The following CTXND1 variants were observed in gnomAD, a reference collection of about 807,000 sequenced individuals.
CTXND1 encodes the protein cortexin domain-containing 1 protein.
chr15:80,197,150 G>A lies in CTXND1; in HGVS notation c.*4620C>T, dbSNP rs546274154. ...TAGCTCATTGTAACCTCAAACTCCTGGACTCAAGTGATCCTCCCACCTCAG... is the reference window on the plus strand; with the variant it reads ...TAGCTCATTGTAACCTCAAACTCCTAGACTCAAGTGATCCTCCCACCTCAG... On this transcript the variant is annotated 3_prime_UTR_variant, in exon 3 of 3. Transcript: ENST00000560778. 1.3e-5 allele frequency: 2 copies of A among 152,304 alleles called. No individual in the cohort carries two copies. The highest frequency in any genetic ancestry group is 4.8e-5 in the African/African-American group (2 of 41,552). The allele number at this position is 152,304 out of a possible 1,614,324, so 9.4% of individuals were successfully genotyped here.
intron 1 of CTXND1, among the ~76,000 whole-genome samples, chr15:80,250,349 C>G (rs1054152216): frequency 1.8e-4 from 27 of 151,608 alleles, no homozygotes; most frequent in Non-Finnish European, 2.5e-4. Context: ...TTTTTTCAGG[C>G]CAATTAAAGT....
chr15:80,233,312 A>ATC (rs896660001), intron 1 of CTXND1, among the ~76,000 whole-genome samples: 1 of 152,200 alleles, frequency 6.6e-6, no homozygotes, highest in African/African-American at 2.4e-5. Context: ...ATTTCACTGG[A>ATC]TCTCTGGGAA....
chr15:80,218,198 C>G (rs1463353940), intron 1 of CTXND1, among the ~76,000 whole-genome samples: 1 of 152,054 alleles, frequency 6.6e-6, no homozygotes, highest in African/African-American at 2.4e-5. Context: ...TGCAGTGGCA[C>G]AATCATAGCT....
intron 1 of CTXND1, among the ~76,000 whole-genome samples, chr15:80,222,531 A>C (rs1893329478): frequency 6.6e-6 from 1 of 152,152 alleles, no homozygotes; most frequent in African/African-American, 2.4e-5. Context: ...AATTATCTCA[A>C]AATTGTTTTC....
intron 1 of CTXND1, among the ~76,000 whole-genome samples, chr15:80,234,245 T>C (rs2141460229): frequency 6.6e-6 from 1 of 152,282 alleles, no homozygotes; most frequent in East Asian, 1.9e-4. Context: ...AAACCTGACA[T>C]TTTAGAGGCT....
At chr15:80,243,178 G>T (rs1290969104) in intron 1 of CTXND1, among the ~76,000 whole-genome samples, 1 of 152,126 alleles carries the variant, frequency 6.6e-6, no homozygotes, top group African/African-American at 2.4e-5. Context: ...GCCCAGCTTT[G>T]GGAGTCTCAG....
chr15:80,226,094 C>T (rs1278361280), intron 1 of CTXND1, among the ~76,000 whole-genome samples: 1 of 152,188 alleles, frequency 6.6e-6, no homozygotes, highest in Non-Finnish European at 1.5e-5. Flanking sequence ...AGGAGGTTAA[C>T]CTTTCTCTCC....
chr15:80,207,732 C>T (rs1893165110), intron 1 of CTXND1, among the ~76,000 whole-genome samples: 1 of 152,210 alleles, frequency 6.6e-6, no homozygotes, highest in Non-Finnish European at 1.5e-5. Context: ...CAGATCACCT[C>T]CATTCAATAA....
chr15:80,247,098 C>A (rs182848668), intron 1 of CTXND1, among the ~76,000 whole-genome samples: 1 of 152,128 alleles, frequency 6.6e-6, no homozygotes. Flanking sequence ...TCTGTGGTCT[C>A]GCAGCTGGAA....
At chr15:80,208,297 A>C (rs1049072424) in intron 1 of CTXND1, among the ~76,000 whole-genome samples, 1 of 152,234 alleles carries the variant, frequency 6.6e-6, no homozygotes, top group African/African-American at 2.4e-5. Flanking sequence ...GAGGGCTAGA[A>C]ATTTTGTTAA....
intron 1 of CTXND1, among the ~76,000 whole-genome samples, chr15:80,233,407 A>G (rs1893454596): frequency 6.6e-6 from 1 of 152,182 alleles, no homozygotes; most frequent in African/African-American, 2.4e-5. Flanking sequence ...ATTAGCTGTC[A>G]TTCTTACTTT....
At chr15:80,239,841 G>A (rs567675815) in intron 1 of CTXND1, among the ~76,000 whole-genome samples, 1 of 152,018 alleles carries the variant, frequency 6.6e-6, no homozygotes, top group Non-Finnish European at 1.5e-5. Flanking sequence ...GATGTCTATG[G>A]TATTTTTATC....
intron 1 of CTXND1, among the ~76,000 whole-genome samples, chr15:80,234,476 CTT>C (rs5814009): frequency 0.011 from 1,476 of 133,734 alleles, 22 homozygotes; most frequent in African/African-American, 0.038. Context: ...TGAACATGCC[CTT>C]TTTTTTTTTT....
intron 1 of CTXND1, among the ~76,000 whole-genome samples, chr15:80,220,151 A>ATCTATCT: frequency 4.1e-5 from 1 of 24,642 alleles, no homozygotes; most frequent in African/African-American, 2.6e-4. Flanking sequence ...TCTATCATCT[A>ATCTATCT]TCTATCTATC....
chr15:80,239,209 A>C (rs1893537298), intron 1 of CTXND1, among the ~76,000 whole-genome samples: 1 of 152,026 alleles, frequency 6.6e-6, no homozygotes, highest in African/African-American at 2.4e-5. Flanking sequence ...CCTGAGCCCC[A>C]CAGTCCTCTG....
At chr15:80,214,911 C>G (rs1381173000) in intron 1 of CTXND1, among the ~76,000 whole-genome samples, 1 of 152,128 alleles carries the variant, frequency 6.6e-6, no homozygotes, top group Admixed American at 6.5e-5. Context: ...AAGGCAAATG[C>G]ACACCATTAG....
intron 1 of CTXND1, among the ~76,000 whole-genome samples, chr15:80,240,195 C>T (rs1893549252): frequency 6.6e-6 from 1 of 152,188 alleles, no homozygotes; most frequent in Non-Finnish European, 1.5e-5. Flanking sequence ...GAACTCCTGA[C>T]CTCAGGTGAT....
chr15:80,220,138 CTATCTATCATCTATCT>C (rs200819295), intron 1 of CTXND1, among the ~76,000 whole-genome samples: 13,094 of 124,536 alleles, frequency 0.11, 677 homozygotes, highest in Non-Finnish European at 0.14. Flanking sequence ...ATCTATCTAT[CTATCTATCATCTATCT>C]ATCTATCTAT....
chr15:80,228,455 G>C (rs1467362950), intron 1 of CTXND1, among the ~76,000 whole-genome samples: 1 of 152,124 alleles, frequency 6.6e-6, no homozygotes, highest in Non-Finnish European at 1.5e-5. Flanking sequence ...TGGGAAAGTT[G>C]ACATTCTCTT....
Sources: allele counts gnomAD v4.1 joint callset (sites outside exome capture counted in the v4.1 genomes callset), GRCh38; gene constraint gnomAD v4.1.1; transcripts MANE v1.5; gene names NCBI Gene and HGNC (gene_info 2026-07-23, HGNC 2026-07-21).